The following ZDHHC13 variants were observed in gnomAD, a reference collection of about 807,000 sequenced individuals.
ZDHHC13 encodes zDHHC palmitoyltransferase 13.
Under a neutral mutation model 86.0 loss-of-function variants are expected in ZDHHC13, and 85 were observed. The observed-to-expected ratio is 0.99, with a 90% CI of 0.83 to 1.18. The LOEUF (loss-of-function observed/expected upper bound fraction) is 1.18. Ranked by LOEUF, ZDHHC13 falls within the 50% of genes most tolerant of loss-of-function variation. The probability of loss-of-function intolerance (pLI) is 0.00; values close to 1 mark genes in which losing one functional copy is unlikely to be tolerated. For synonymous variants in ZDHHC13, 263 were observed against 246.4 expected (o/e 1.07, Z -0.63); for missense variants, 711 against 730.2 (o/e 0.97, Z 0.30).
Position 19,163,314 on chromosome 11 carries a change from G to A in ZDHHC13, c.1120G>A (p.Ala374Thr). The A allele has an allele frequency of 1.3e-6, 2 of 1,586,488 alleles. No homozygotes were observed. The highest frequency in any genetic ancestry group is 1.7e-6 in the Non-Finnish European group (2 of 1,169,872). The change falls in exon 11 of 17, where the codon GCC becomes ACC. Residue 374 changes from alanine (A) to threonine (T), a missense_variant. By Grantham distance (58) the Ala-to-Thr change is moderately conservative (BLOSUM62 0). Transcript: ENST00000446113. ...FILFFPDLAGAPFYFSFIFSI... is the reference protein window; with the variant it reads ...FILFFPDLAGTPFYFSFIFSI... ...AACTTGGCTTTAACATTTAGCAGGA[G>A]CCCCTTTCTATTTCAGTTTCATTTT...
At position 19,166,332 on chromosome 11, in the gene ZDHHC13, T is replaced by G; in HGVS notation, c.1421T>G (p.Phe474Cys). Residue 474 changes from phenylalanine to cysteine, a missense_variant, in exon 14 of 17, where the codon TTC becomes TGC. Coordinates refer to ENST00000446113, the MANE Select transcript of ZDHHC13 (RefSeq NM_019028.3). ...GFGNHHYYIF[F>C]LFFLSMVCGW... ...GGCAACCATCACTATTACATATTCT[T>G]CTTGTTTTTCCTTTCCATGGTATGT... 6.2e-7 allele frequency: 1 copy of G among 1,612,390 alleles called. No homozygotes were observed. Among genetic ancestry groups the G allele is most frequent in the Admixed American group, 1.7e-5 (1 of 59,872 alleles).
chr11:19,170,025 G>A, intron 14 of ZDHHC13: 1 of 1,015,224 alleles, frequency 9.9e-7, no homozygotes, highest in Non-Finnish European at 1.2e-6. Flanking sequence ...TGCTTAATAA[G>A]AGTTTATATT....
Position 19,117,222 on chromosome 11 carries a change from G to C in ZDHHC13, c.-28G>C. On this transcript the variant is annotated 5_prime_UTR_variant, in exon 1 of 17. Coordinates refer to ENST00000446113, the MANE Select transcript of ZDHHC13 (RefSeq NM_019028.3). This position sits in a 1 kb window ranked among gnomAD's most constrained non-coding sequence, Gnocchi z 4.2. ...GGCGGCAGTCGCTACTTGCCTAGTA[G>C]CCTCAGCCGCTGTGGGCTCCTGGGG... The C allele has an allele frequency of 6.5e-7, 1 of 1,529,822 alleles. No homozygotes were observed. The highest frequency in any genetic ancestry group is 8.8e-7 in the Non-Finnish European group (1 of 1,141,160). 94.8% of individuals were successfully genotyped at this position (1,529,822 alleles called of 1,614,324 possible). A position where few individuals can be genotyped will look rare whatever the true frequency, so the allele number is the denominator to read the frequency against.
At chr11:19,149,985 A>G (rs778918944) in intron 5 of ZDHHC13, among the ~76,000 whole-genome samples, 2 of 152,252 alleles carry the variant, frequency 1.3e-5, no homozygotes, top group African/African-American at 4.8e-5. Flanking sequence ...TGATTGAAGT[A>G]GAATTATAAC....
intron 14 of ZDHHC13, chr11:19,169,901 C>T: frequency 1.0e-6 from 1 of 985,780 alleles, no homozygotes; most frequent in Non-Finnish European, 1.2e-6. Context: ...GTTATGGTGT[C>T]AGTGCAGAAG....
intron 14 of ZDHHC13, chr11:19,169,365 A>G: frequency 1.0e-6 from 1 of 985,462 alleles, no homozygotes; most frequent in Non-Finnish European, 1.2e-6. Context: ...GATTGCTCTT[A>G]GAATGCTTCT....
In ZDHHC13 at chr11:19,176,005, G is replaced by A. The variant is rs763944829; in HGVS notation, c.*45G>A. ...CTCAATCTGATTTGTTTTTGTTTAT[G>A]TCGATGCCCTGTAGTTTGAAAGTGA... is the stretch of plus-strand genomic sequence containing the variant. On this transcript the variant is annotated 3_prime_UTR_variant, in exon 17 of 17. Transcript: ENST00000446113. 3 of 1,564,442 alleles carry A rather than the reference G, an allele frequency of 1.9e-6. No homozygotes were observed. The African/African-American group carries it at 4.1e-5, about 22-fold the overall frequency.
Position 19,158,939 on chromosome 11 carries a change from G to T in ZDHHC13, c.1008-1G>T, listed in dbSNP as rs1197914215. ...ACTTATATTTATCTTTTTTCTTTTA[G>T]GTTCTTGGTTGGGTATAAGAACCTT... On this transcript the variant is annotated splice_acceptor_variant, in intron 9 of 16. Coordinates refer to ENST00000446113, the MANE Select transcript of ZDHHC13 (RefSeq NM_019028.3). LOFTEE classifies it high-confidence loss of function. 6.6e-7 allele frequency: 1 copy of T among 1,509,940 alleles called. No individual in the cohort carries two copies. Among genetic ancestry groups the T allele is most frequent in the Non-Finnish European group, 8.8e-7 (1 of 1,130,242 alleles). The allele number at this position is 1,509,940 out of a possible 1,614,324, so 93.5% of individuals were successfully genotyped here. A position where few individuals can be genotyped will look rare whatever the true frequency, so the allele number is the denominator to read the frequency against.
chr11:19,172,638 A>G, intron 15 of ZDHHC13, 85 bp from the exon 16 acceptor site: 2 of 1,062,768 alleles, frequency 1.9e-6, no homozygotes, highest in Non-Finnish European at 2.6e-6. Context: ...AATTGAGATA[A>G]TTGCACTGAT....
At chr11:19,142,862 C>A in intron 1 of ZDHHC13, 116 bp from the exon 2 acceptor site, 1 of 1,194,000 alleles carries the variant, frequency 8.4e-7, no homozygotes, top group Non-Finnish European at 1.1e-6. Flanking sequence ...ACTTCTAAAA[C>A]TCCAAAAAAT....
chr11:19,126,502 AT>A (rs754405966), intron 1 of ZDHHC13, among the ~76,000 whole-genome samples: 2,311 of 95,120 alleles, frequency 0.024, 33 homozygotes, highest in East Asian at 0.07. Flanking sequence ...ACCCTGGCTA[AT>A]TTTTTTTTTT....
chr11:19,129,312 G>A (rs1377931774), intron 1 of ZDHHC13, among the ~76,000 whole-genome samples: 1 of 152,132 alleles, frequency 6.6e-6, no homozygotes, highest in Non-Finnish European at 1.5e-5. Flanking sequence ...GTGATAATGA[G>A]CATATTTGCT....
chr11:19,145,773 A>G (rs1849447150), intron 2 of ZDHHC13, among the ~76,000 whole-genome samples: 1 of 152,166 alleles, frequency 6.6e-6, no homozygotes, highest in Admixed American at 6.5e-5. Context: ...TGTGGAATTT[A>G]TCCCATTCTA....
At position 19,138,478 on chromosome 11, in the gene ZDHHC13, A is replaced by C. The variant is rs1849212568; in HGVS notation, c.28-4500A>C. Among the ~76,000 whole-genome samples the C allele has an allele frequency of 2.6e-5, 4 of 151,748 alleles. No homozygotes were observed. In the East Asian group the frequency reaches 7.7e-4, roughly 29 times the overall value. On this transcript the variant is annotated intron_variant, in intron 1 of 16. Transcript: ENST00000446113. Reference sequence around the variant, plus strand: ...GATGGATTCACAGCCGAATTCTACCAGAGGTACAAGGAGGAACTGGTACCA... The same window carrying C: ...GATGGATTCACAGCCGAATTCTACCCGAGGTACAAGGAGGAACTGGTACCA...
intron 16 of ZDHHC13, 46 bp downstream of exon 16, chr11:19,172,866 A>G: frequency 1.3e-6 from 2 of 1,517,100 alleles, no homozygotes; most frequent in Non-Finnish European, 1.8e-6. Context: ...GAAGATCCCT[A>G]GTCACTGGTT....
intron 1 of ZDHHC13, among the ~76,000 whole-genome samples, chr11:19,139,750 A>G (rs1439633250): frequency 7.0e-6 from 1 of 142,138 alleles, no homozygotes; most frequent in Non-Finnish European, 1.5e-5. Context: ...GAGCCCTCAG[A>G]AATAACGCCG....
chr11:19,155,936 A>T lies in ZDHHC13; in HGVS notation c.1007+7A>T. The T allele has an allele frequency of 6.3e-7, 1 of 1,592,802 alleles. No homozygotes were observed. On this transcript the variant is annotated splice_region_variant and intron_variant, in intron 9 of 16. Coordinates refer to ENST00000446113, the MANE Select transcript of ZDHHC13 (RefSeq NM_019028.3). The stretch of plus-strand genomic sequence containing the variant: ...TGACATCTTTGTTTCCAAGGTGTGT[A>T]TGTTAATTTTTGCAAGGCTGGTTAT...
chr11:19,163,084 T>C (rs1170356628), intron 10 of ZDHHC13, among the ~76,000 whole-genome samples: 1 of 152,132 alleles, frequency 6.6e-6, no homozygotes, highest in Non-Finnish European at 1.5e-5. Context: ...TCCTATCAAG[T>C]ATTTAATATG....
At chr11:19,134,857 A>T (rs936566908) in intron 1 of ZDHHC13, among the ~76,000 whole-genome samples, 4 of 145,968 alleles carry the variant, frequency 2.7e-5, no homozygotes, top group Admixed American at 6.7e-5. Context: ...AAAGCATAAT[A>T]AAAAAAAATT....
Sources: gnomAD v4.1 joint callset for allele counts (sites outside exome capture counted in the v4.1 genomes callset) on GRCh38, gnomAD v4.1.1 for gene constraint, Gnocchi (gnomAD v3.1) non-coding constraint, MANE v1.5 for transcripts, NCBI Gene and HGNC (gene_info 2026-07-23, HGNC 2026-07-21) for gene names.